Variants in BSN observed in about 807,000 individuals in gnomAD.
The protein encoded by BSN is bassoon presynaptic cytomatrix protein.
A neutral mutation model predicts 264.8 loss-of-function variants in BSN; 57 were observed. That is an observed-to-expected ratio of 0.22 (90% CI 0.17 to 0.27). The LOEUF is 0.27. Among genes scored for constraint, BSN ranks in the 10% least tolerant of loss-of-function variants. The pLI is 1.00. For missense variants in BSN, 4,615 were observed against 5,232.5 expected, an observed-to-expected ratio of 0.88 and a Z score of 3.64; for synonymous variants, 2,059 against 2,137.3, an observed-to-expected ratio of 0.96 and a Z score of 1.01.
rs199867922 is a variant in BSN, at chr3:49,650,676, C to A, written c.1583C>A (p.Pro528Gln). 6.2e-7 allele frequency: 1 copy of A among 1,609,990 alleles called. No individual in the cohort carries two copies. Among genetic ancestry groups the A allele is most frequent in the Admixed American group, 1.7e-5 (1 of 58,804 alleles). ...KRLLEGSLGE[P>Q]TPLPPPTSQQ... The stretch of plus-strand genomic sequence containing the variant: ...CTACTGGAGGGCAGCCTAGGAGAGC[C>A]GACCCCCCTGCCGCCGCCCACCTCA... The change falls in exon 4 of 12, where the codon CCG becomes CAG. Residue 528 changes from proline (P) to glutamine (Q), a missense_variant. Around this residue, in one of 3 missense-constraint regions of BSN, gnomAD observed 1,197 missense variants for 1,348.0 expected, o/e 0.89. Transcript: ENST00000296452.
In BSN at chr3:49,573,668, T is replaced by G. The variant is rs1201932075; in HGVS notation, c.224+18842T>G. 1.1e-4 allele frequency among the ~76,000 whole-genome samples: 17 copies of G among 151,892 alleles called. No individual in the cohort carries two copies. In the East Asian group the frequency reaches 2.3e-3, roughly 21 times the overall value. On this transcript the variant is annotated intron_variant, in intron 1 of 11. Coordinates refer to ENST00000296452, the MANE Select transcript of BSN (RefSeq NM_003458.4). Reference sequence around the variant, plus strand: ...GTACTTTCTCTCTGGTTTTTTTTTTTTTTTTTGAGACGGAGTTTTGCTCTT... The same window carrying G: ...GTACTTTCTCTCTGGTTTTTTTTTTGTTTTTTGAGACGGAGTTTTGCTCTT...
Position 49,657,182 on chromosome 3 carries a change from G to A in BSN, c.7626G>A (p.Thr2542=), listed in dbSNP as rs770192880. The A allele has an allele frequency of 1.8e-5, 29 of 1,613,238 alleles. No individual in the cohort carries two copies. Among genetic ancestry groups the A allele is most frequent in the African/African-American group, 1.7e-4 (13 of 74,950 alleles). Residue 2542 remains threonine, a synonymous_variant, in exon 5 of 12, where the codon ACG becomes ACA. Coordinates refer to ENST00000296452, the MANE Select transcript of BSN (RefSeq NM_003458.4). ...PSSASDMSLQ[T]EEQWEASRSG... is the part of the protein sequence containing the mutation. ...CTGCCTCAGACATGTCACTGCAAAC[G>A]GAGGAGCAGTGGGAGGCCAGCCGTA...
chr3:49,577,042 G>C (rs1300356369), intron 1 of BSN, among the ~76,000 whole-genome samples: 1 of 152,198 alleles, frequency 6.6e-6, no homozygotes, highest in Non-Finnish European at 1.5e-5. Context: ...CCTTGGGTCA[G>C]ACCTCCTTTC....
rs377279182 is a variant in BSN at position 49,654,453 on chromosome 3, G to A, written c.4897G>A (p.Gly1633Ser). 2.7e-5 allele frequency: 44 copies of A among 1,604,714 alleles called. No homozygotes were observed. Among genetic ancestry groups the A allele is most frequent in the Non-Finnish European group, 1.7e-6 (2 of 1,175,970 alleles). Reference protein sequence around the residue: ...ADGPLALYGWGALPAENISLC... With the variant: ...ADGPLALYGWSALPAENISLC... ...TGGGCCCCTGGCACTATATGGCTGGGGTGCCCTCCCTGCTGAGAACATCTC... is the reference window on the plus strand; with the variant it reads ...TGGGCCCCTGGCACTATATGGCTGGAGTGCCCTCCCTGCTGAGAACATCTC... Residue 1633 changes from glycine (G) to serine (S), a missense_variant, in exon 5 of 12, where the codon GGT (glycine) becomes AGT (serine). Coordinates refer to ENST00000296452, the MANE Select transcript of BSN (RefSeq NM_003458.4). This position sits in a 1 kb window ranked among gnomAD's most constrained non-coding sequence, Gnocchi z 4.1.
intron 1 of BSN, among the ~76,000 whole-genome samples, chr3:49,610,388 G>T (rs4855835): frequency 0.51 from 77,284 of 151,614 alleles, 21,218 homozygotes; most frequent in East Asian, 0.94. Context: ...TTCAAGATCT[G>T]CCTGGCCAAC....
At chr3:49,590,319 C>A (rs941219562) in intron 1 of BSN, among the ~76,000 whole-genome samples, 1 of 151,488 alleles carries the variant, frequency 6.6e-6, no homozygotes, top group African/African-American at 2.4e-5. Flanking sequence ...TTGTTGGATT[C>A]TTTAAAAAAA....
rs1448088583 is a variant in BSN, at chr3:49,585,670, A to G, written c.224+30844A>G. Among the ~76,000 whole-genome samples, 1 of 152,142 alleles carries G rather than the reference A, an allele frequency of 6.6e-6. No homozygotes were observed. The highest frequency in any genetic ancestry group is 1.9e-4 in the East Asian group (1 of 5,186). On this transcript the variant is annotated intron_variant, in intron 1 of 11. Coordinates refer to ENST00000296452, the MANE Select transcript of BSN (RefSeq NM_003458.4). This position sits in a 1 kb window ranked among gnomAD's most constrained non-coding sequence, Gnocchi z 4.7. ...ACCCCAATTTTTAGTTTTTTGAGAAACCTCCAAACTGTTCTTCATAGTGGT... is the reference window on the plus strand; with the variant it reads ...ACCCCAATTTTTAGTTTTTTGAGAAGCCTCCAAACTGTTCTTCATAGTGGT...
chr3:49,567,104 T>A (rs566099025), intron 1 of BSN, among the ~76,000 whole-genome samples: 2 of 152,162 alleles, frequency 1.3e-5, no homozygotes, highest in Non-Finnish European at 2.9e-5. Flanking sequence ...TGCTTGATGC[T>A]CCTTTCAATG....
chr3:49,619,337 C>T (rs1006535683), intron 1 of BSN, among the ~76,000 whole-genome samples: 4 of 152,214 alleles, frequency 2.6e-5, no homozygotes, highest in Admixed American at 2.6e-4. Context: ...GGTGAAACCT[C>T]TTCCCAGGGA....
At position 49,654,231 on chromosome 3, in the gene BSN, A is replaced by G. The variant is rs2052573106; in HGVS notation, c.4675A>G (p.Ile1559Val). 2.5e-6 allele frequency: 4 copies of G among 1,613,508 alleles called. No individual in the cohort carries two copies. The highest frequency in any genetic ancestry group is 2.2e-5 in the South Asian group (2 of 91,026). ...ESSQEAPFMVITLASDASSQT... is the reference protein window; with the variant it reads ...ESSQEAPFMVVTLASDASSQT... Reference sequence around the variant, plus strand: ...CTCTCAAGAGGCTCCCTTTATGGTCATCACGCTGGCATCTGACGCCTCCAG... The same window carrying G: ...CTCTCAAGAGGCTCCCTTTATGGTCGTCACGCTGGCATCTGACGCCTCCAG... The change falls in exon 5 of 12, where the codon ATC becomes GTC. Residue 1559 changes from isoleucine (I) to valine (V), a missense_variant. Transcript: ENST00000296452. The surrounding 1 kb of genome is among the most constrained non-coding windows in gnomAD (Gnocchi z 4.1).
intron 1 of BSN, among the ~76,000 whole-genome samples, chr3:49,611,329 T>C (rs2052205178): frequency 6.6e-6 from 1 of 152,178 alleles, no homozygotes; most frequent in Admixed American, 6.5e-5. Flanking sequence ...ATGACTTCAG[T>C]CTCCCGATTT....
Position 49,630,062 on chromosome 3 carries a change from C to T in BSN, c.633+4679C>T, listed in dbSNP as rs1014968913. On this transcript the variant is annotated intron_variant, in intron 2 of 11. Transcript: ENST00000296452. ...CCCCTGCCTGCATCCCACTGCTTTC[C>T]GGCAAGGGCCAGGGCTCCAGATGGC... 6.6e-5 allele frequency among the ~76,000 whole-genome samples: 10 copies of T among 152,246 alleles called. No individual in the cohort carries two copies. The South Asian group carries it at 1.0e-3, about 16-fold the overall frequency.
chr3:49,653,559 C>T lies in BSN; in HGVS notation c.4003C>T (p.Arg1335Ter), dbSNP rs1464942487. The T allele has an allele frequency of 6.2e-7, 1 of 1,613,920 alleles. No individual in the cohort carries two copies. Among genetic ancestry groups the T allele is most frequent in the Non-Finnish European group, 8.5e-7 (1 of 1,179,988 alleles). The change falls in exon 5 of 12, where the codon CGA (arginine) becomes TGA (stop). Residue 1335 changes from arginine to a stop codon, truncating the protein, a stop_gained. Transcript: ENST00000296452. LOFTEE classifies it high-confidence loss of function. This position sits in a 1 kb window ranked among gnomAD's most constrained non-coding sequence, Gnocchi z 6.3. Reference sequence around the variant, plus strand: ...CACCTCCTCAGACAGCAGCGGGGGCCGAGTTATTCCCGATGTCCGTGTCAC... The same window carrying T: ...CACCTCCTCAGACAGCAGCGGGGGCTGAGTTATTCCCGATGTCCGTGTCAC... ...TPTSSDSSGG[R>*]VIPDVRVTQH...
chr3:49,672,520 G>GC (rs2052799810), downstream of BSN, among the ~76,000 whole-genome samples: 1 of 146,160 alleles, frequency 6.8e-6, no homozygotes, highest in Non-Finnish European at 1.5e-5. Context: ...CACTCTTGTT[G>GC]CCCAGGCTGG....
In BSN at chr3:49,655,357, C is replaced by G. The variant is rs746354751; in HGVS notation, c.5801C>G (p.Pro1934Arg). 6.3e-7 allele frequency: 1 copy of G among 1,594,924 alleles called. No homozygotes were observed. Among genetic ancestry groups the G allele is most frequent in the Admixed American group, 1.7e-5 (1 of 58,662 alleles). ...PEKSMADAAP[P>R]GQSSSPFYGP... is the part of the protein sequence containing the mutation. ...AAGAGCATGGCAGATGCTGCCCCACCTGGCCAAAGCAGCAGCCCCTTCTAT... is the reference window on the plus strand; with the variant it reads ...AAGAGCATGGCAGATGCTGCCCCACGTGGCCAAAGCAGCAGCCCCTTCTAT... The change falls in exon 5 of 12, where the codon CCT becomes CGT. Residue 1934 changes from proline (P) to arginine (R), a missense_variant. Around this residue, in one of 3 missense-constraint regions of BSN, gnomAD observed 3,415 missense variants for 3,866.4 expected, o/e 0.88. Coordinates refer to ENST00000296452, the MANE Select transcript of BSN (RefSeq NM_003458.4).
At chr3:49,598,387 C>A (rs899959861) in intron 1 of BSN, among the ~76,000 whole-genome samples, 4 of 152,208 alleles carry the variant, frequency 2.6e-5, no homozygotes, top group Non-Finnish European at 4.4e-5. Flanking sequence ...AAGTGTGTAA[C>A]TTCTGATATC....
At chr3:49,579,648 C>G (rs142990274) in intron 1 of BSN, among the ~76,000 whole-genome samples, 7 of 151,704 alleles carry the variant, frequency 4.6e-5, no homozygotes, top group African/African-American at 1.7e-4. Context: ...GTCTCGAACT[C>G]CTGACCTCAT....
chr3:49,579,560 G>A (rs1157593935), intron 1 of BSN, among the ~76,000 whole-genome samples: 2 of 151,398 alleles, frequency 1.3e-5, no homozygotes, highest in African/African-American at 2.4e-5. Context: ...CCGTCACCAC[G>A]CCCAGCTGAT....
intron 1 of BSN, among the ~76,000 whole-genome samples, chr3:49,580,166 A>C (rs2051884890): frequency 6.6e-6 from 1 of 152,088 alleles, no homozygotes; most frequent in Non-Finnish European, 1.5e-5. Context: ...GGCTAGATTC[A>C]AACTCCTGGG....
Sources: allele counts gnomAD v4.1 joint callset (sites outside exome capture counted in the v4.1 genomes callset), GRCh38; gene constraint gnomAD v4.1.1; regional missense constraint gnomAD v4.1.1; non-coding constraint Gnocchi (gnomAD v3.1); transcripts MANE v1.5; gene names NCBI Gene and HGNC (gene_info 2026-07-23, HGNC 2026-07-21).